AP3D1: variants seen among roughly 807,000 people sequenced by gnomAD.
AP3D1 encodes the protein adaptor related protein complex 3 subunit delta 1.
A neutral mutation model predicts 147.6 loss-of-function variants in AP3D1; 51 were observed. That is an observed-to-expected ratio of 0.35 (90% CI 0.28 to 0.44). The LOEUF (loss-of-function observed/expected upper bound fraction) is 0.44, where lower values mean the gene tolerates loss of function less well. Ranked by LOEUF, AP3D1 falls within the 20% of genes least tolerant of loss-of-function variation. AP3D1 has a pLI of 1.00. For synonymous variants in AP3D1, 760 were observed against 663.0 expected (o/e 1.15, Z -2.25); for missense variants, 1,421 against 1,624.2 (o/e 0.87, Z 2.15).
chr19:2,127,627 C>T (rs777362045), intron 8 of AP3D1, among the ~76,000 whole-genome samples: 27 of 152,186 alleles, frequency 1.8e-4, no homozygotes, highest in African/African-American at 4.1e-4. Context: ...CAGGTTCAAG[C>T]GGTTCTCCTG....
At position 2,121,189 on chromosome 19, in the gene AP3D1, G is replaced by C. The variant is rs1266048262; in HGVS notation, c.1224C>G (p.Asn408Lys). The C allele has an allele frequency of 6.2e-7, 1 of 1,614,216 alleles. No homozygotes were observed. Among genetic ancestry groups the C allele is most frequent in the Non-Finnish European group, 8.5e-7 (1 of 1,180,020 alleles). ...TKIIDICSQS[N>K]YQYITNFEWY... ...ACTCGAAGTTGGTGATGTACTGGTA[G>C]TTGGACTGGCTGCAGATGTCAATGA... The change falls in exon 13 of 32, where the codon AAC (asparagine) becomes AAG (lysine). Residue 408 changes from asparagine to lysine, a missense_variant. By Grantham distance (94) the Asn-to-Lys change is moderately conservative. Transcript: ENST00000643116.
At chr19:2,144,430 A>G (rs2238602) in intron 1 of AP3D1, among the ~76,000 whole-genome samples, 48,838 of 152,074 alleles carry the variant, frequency 0.32, 9,096 homozygotes, top group Non-Finnish European at 0.43. Flanking sequence ...CCACTCCCAC[A>G]ACTGAGGCTG....
chr19:2,102,769 AAATAAATAAAT>A (rs1568269688), intron 31 of AP3D1, among the ~76,000 whole-genome samples: 19 of 142,866 alleles, frequency 1.3e-4, no homozygotes, highest in Admixed American at 4.2e-4. Context: ...ATAAATAAAT[AAATAAATAAAT>A]AAAATAAAAA....
chr19:2,124,872 G>A (rs1023771245), intron 9 of AP3D1, among the ~76,000 whole-genome samples: 1 of 152,214 alleles, frequency 6.6e-6, no homozygotes, highest in African/African-American at 2.4e-5. Flanking sequence ...CTGGGAGGCA[G>A]AGGTTGCGGT....
At chr19:2,158,154 C>G (rs2019663830) in intron 1 of AP3D1, among the ~76,000 whole-genome samples, 3 of 152,010 alleles carry the variant, frequency 2.0e-5, no homozygotes, top group Admixed American at 6.6e-5. Context: ...CTCCTGGGTT[C>G]ACGCCATTCT....
chr19:2,125,075 C>T (rs898073746), intron 9 of AP3D1, among the ~76,000 whole-genome samples: 2 of 152,164 alleles, frequency 1.3e-5, no homozygotes, highest in African/African-American at 4.8e-5. Context: ...TCTCAGAAAT[C>T]ACCGCTAAAG....
In AP3D1 at chr19:2,116,635, C is replaced by T. The variant is rs369324823; in HGVS notation, c.1971G>A (p.Pro657=). The part of the protein sequence containing the change: ...EEEQRRPKHR[P]SEADEEELAR... ...CCAGCTCTTCCTCGTCCGCCTCCGA[C>T]GGCCGGTGCTTGGGACGCCGCTGCT... Residue 657 remains proline (P), a synonymous_variant, in exon 17 of 32, where the codon CCG becomes CCA. Coordinates refer to ENST00000643116, the MANE Select transcript of AP3D1 (RefSeq NM_001261826.3). 71 of 1,601,938 alleles carry T rather than the reference C, an allele frequency of 4.4e-5. No homozygotes were observed. The highest frequency in any genetic ancestry group is 3.5e-4 in the Middle Eastern group (2 of 5,730).
At chr19:2,144,364 G>C (rs1021527192) in intron 1 of AP3D1, among the ~76,000 whole-genome samples, 4 of 152,144 alleles carry the variant, frequency 2.6e-5, no homozygotes, top group African/African-American at 4.8e-5. Context: ...GGAGCAGAGC[G>C]GCCGCGGCCA....
In AP3D1 at chr19:2,159,742, C is replaced by T. The variant is rs187465657; in HGVS notation, c.-103+4614G>A. Among the ~76,000 whole-genome samples, 240 of 150,968 alleles carry T rather than the reference C, an allele frequency of 1.6e-3. 3 individuals are homozygous for T. The highest frequency in any genetic ancestry group is 8.6e-4 in the Non-Finnish European group (58 of 67,688). ...TTGAGACGGAGTCTTGTTCTGTCTC[C>T]CAGGCTGGAGTGCAGTGGCGCTATC... On this transcript the variant is annotated intron_variant, in intron 1 of 14. Transcript: ENST00000643010.
In AP3D1 at chr19:2,127,261, C is replaced by T; in HGVS notation, c.807-60G>A. The T allele has an allele frequency of 1.9e-6, 3 of 1,581,250 alleles. No individual in the cohort carries two copies. The East Asian group carries it at 6.7e-5, about 35-fold the overall frequency. On this transcript the variant is annotated intron_variant, in intron 8 of 31. Transcript: ENST00000643116. ...CTGGGGGCCTCGTCAGATGCAGTGA[C>T]CCAGTGCCGGCAGCTCAGCTGGAGA...
At chr19:2,144,001 G>A (rs534507330) in intron 1 of AP3D1, among the ~76,000 whole-genome samples, 17 of 151,378 alleles carry the variant, frequency 1.1e-4, no homozygotes, top group African/African-American at 4.1e-4. Context: ...CAAGAGAATC[G>A]CTTGCACCCG....
rs768660885 is a variant in AP3D1 at position 2,110,816 on chromosome 19, G to T, written c.3066C>A (p.Ile1022=). The change falls in exon 27 of 32, where the codon ATC becomes ATA. Residue 1022 remains isoleucine (I), a synonymous_variant. Coordinates refer to ENST00000643116, the MANE Select transcript of AP3D1 (RefSeq NM_001261826.3). ...GCACGCTGAGCTCCATGCCCTTGAG[G>T]ATGCTGCTGCTCCTGTTCTCCAGCA... ...AIVLENRSSS[I]LKGMELSVLD... is the part of the protein sequence containing the mutation. 6.2e-7 allele frequency: 1 copy of T among 1,613,684 alleles called. No individual in the cohort carries two copies. Among genetic ancestry groups the T allele is most frequent in the Non-Finnish European group, 8.5e-7 (1 of 1,180,010 alleles).
intron 1 of AP3D1, among the ~76,000 whole-genome samples, chr19:2,163,116 C>T (rs1427674659): frequency 6.6e-6 from 1 of 152,056 alleles, no homozygotes; most frequent in Admixed American, 6.6e-5. Flanking sequence ...CTCTGTTGCC[C>T]AGGCCGGAGT....
At chr19:2,138,031 G>C (rs1247602059) in intron 2 of AP3D1, among the ~76,000 whole-genome samples, 1 of 152,188 alleles carries the variant, frequency 6.6e-6, no homozygotes, top group Non-Finnish European at 1.5e-5. Context: ...GCACTAAAAA[G>C]AGACTCAATG....
At chr19:2,135,471 G>A (rs549666131) in intron 4 of AP3D1, among the ~76,000 whole-genome samples, 2 of 152,328 alleles carry the variant, frequency 1.3e-5, no homozygotes, top group African/African-American at 2.4e-5. Context: ...AGGAGGCAGA[G>A]GTTGCGGTGA....
chr19:2,111,045 C>A (rs561882028), intron 26 of AP3D1, 149 bp from the exon 27 acceptor site: 4 of 967,724 alleles, frequency 4.1e-6, no homozygotes, highest in South Asian at 3.3e-5. Context: ...GCAGGCCAAG[C>A]GCCTCCTATG....
intron 6 of AP3D1, 37 bp downstream of exon 6, chr19:2,130,371 C>A: frequency 6.2e-7 from 1 of 1,612,770 alleles, no homozygotes; most frequent in Non-Finnish European, 8.5e-7. Flanking sequence ...GCTGAGCCCC[C>A]ACCCTCAACC....
intron 1 of AP3D1, among the ~76,000 whole-genome samples, chr19:2,161,686 T>C (rs759652072): frequency 2.4e-4 from 36 of 152,100 alleles, no homozygotes; most frequent in Non-Finnish European, 2.1e-4. Flanking sequence ...TGATGGTTTA[T>C]GCCTGTAATC....
At chr19:2,122,179 G>A (rs557406869) in intron 11 of AP3D1, among the ~76,000 whole-genome samples, 1 of 151,212 alleles carries the variant, frequency 6.6e-6, no homozygotes, top group Non-Finnish European at 1.5e-5. Flanking sequence ...CACCCAGCCA[G>A]TGCAGGGAAG....
Sources: gnomAD v4.1 joint callset for allele counts (sites outside exome capture counted in the v4.1 genomes callset) on GRCh38, gnomAD v4.1.1 for gene constraint, MANE v1.5 for transcripts, NCBI Gene and HGNC (gene_info 2026-07-23, HGNC 2026-07-21) for gene names.